Variants in CLVS1 observed in about 807,000 individuals in gnomAD.
CLVS1 encodes clavesin-1.
CLVS1 carries 10 observed loss-of-function variants against 33.1 expected under a neutral mutation model. The ratio of observed to expected loss-of-function variants is 0.30; its 90% CI spans 0.19 to 0.51. The LOEUF (loss-of-function observed/expected upper bound fraction) is 0.51. Among genes scored for constraint, CLVS1 ranks in the 20% least tolerant of loss-of-function variants. The probability of loss-of-function intolerance (pLI) is 0.97; values close to 1 mark genes in which losing one functional copy is unlikely to be tolerated. For missense variants in CLVS1, 343 were observed against 433.4 expected (o/e 0.79, Z 1.85); for synonymous variants, 163 against 166.1 (o/e 0.98, Z 0.14).
In CLVS1 at chr8:61,162,455, G is replaced by C. The variant is rs144367842; in HGVS notation, c.-152+30595G>C. Among the ~76,000 whole-genome samples, 148 of 152,312 alleles carry C rather than the reference G, an allele frequency of 9.7e-4. No homozygotes were observed. The Middle Eastern group carries it at 0.031, about 32-fold the overall frequency. On this transcript the variant is annotated intron_variant, in intron 2 of 2. Coordinates refer to the CLVS1 transcript ENST00000522621. ...TTGCTCCTTTGGAATCTGCAGTTGAGAGAAACTAGGACTGAAAAACCAGCA... is the reference window on the plus strand; with the variant it reads ...TTGCTCCTTTGGAATCTGCAGTTGACAGAAACTAGGACTGAAAAACCAGCA...
intron 5 of CLVS1, among the ~76,000 whole-genome samples, chr8:61,469,564 T>C (rs545913852): frequency 1.3e-5 from 2 of 152,332 alleles, no homozygotes; most frequent in South Asian, 4.1e-4. Context: ...GTCAATAGAA[T>C]TAGCTGTGAC....
At chr8:61,490,517 A>C (rs1346659311) in intron 5 of CLVS1, among the ~76,000 whole-genome samples, 3 of 150,790 alleles carry the variant, frequency 2.0e-5, no homozygotes, top group Non-Finnish European at 4.4e-5. Context: ...AAATACAAAA[A>C]ATTAGCTGAG....
chr8:61,049,024 A>T, the CLVS1 span, among the ~76,000 whole-genome samples: 1 of 152,210 alleles, frequency 6.6e-6, no homozygotes, highest in Non-Finnish European at 1.5e-5. Context: ...TTGAGGACTG[A>T]AGGGTTCCTT....
chr8:61,340,515 A>G (rs1302032727), intron 2 of CLVS1, among the ~76,000 whole-genome samples: 1 of 152,130 alleles, frequency 6.6e-6, no homozygotes, highest in Non-Finnish European at 1.5e-5. Context: ...ATATGACAGG[A>G]TTTCCTTCTT....
intron 1 of CLVS1, among the ~76,000 whole-genome samples, chr8:61,083,088 T>G (rs938665397): frequency 6.6e-6 from 1 of 152,130 alleles, no homozygotes; most frequent in South Asian, 2.1e-4. Context: ...TGAAAATAAA[T>G]TCTTCAGAAA....
chr8:61,357,494 C>CTTTTTTTTTTT (rs1167743712), intron 2 of CLVS1, among the ~76,000 whole-genome samples: 286 of 25,756 alleles, frequency 0.011, 8 homozygotes, highest in Middle Eastern at 0.067. Context: ...TTTTTCTTTT[C>CTTTTTTTTTTT]TTTTTTTTTT....
chr8:61,480,310 C>T lies in CLVS1; in HGVS notation c.978-19145C>T, dbSNP rs571085269. ...GGCACCCCTCCCCCAGCCTCGCTGC[C>T]GCCTTGCAGTTTGATCTCAGACTGC... On this transcript the variant is annotated intron_variant, in intron 5 of 5. Coordinates refer to ENST00000325897, the MANE Select transcript of CLVS1 (RefSeq NM_173519.3). Among the ~76,000 whole-genome samples, 28 of 152,302 alleles carry T rather than the reference C, an allele frequency of 1.8e-4. No homozygotes were observed. In the East Asian group the frequency reaches 2.7e-3, roughly 15 times the overall value.
intron 2 of CLVS1, among the ~76,000 whole-genome samples, chr8:61,206,914 A>G (rs1297182833): frequency 6.6e-6 from 1 of 152,136 alleles, no homozygotes; most frequent in Non-Finnish European, 1.5e-5. Context: ...TAATTATTGA[A>G]TAATTTTCTT....
At chr8:61,111,919 A>G (rs1483085278) in intron 1 of CLVS1, among the ~76,000 whole-genome samples, 1 of 152,194 alleles carries the variant, frequency 6.6e-6, no homozygotes, top group African/African-American at 2.4e-5. Context: ...GATCTCTCCA[A>G]TTCACAGTCT....
chr8:61,365,306 T>A (rs1333678854), intron 2 of CLVS1, among the ~76,000 whole-genome samples: 7 of 152,096 alleles, frequency 4.6e-5, no homozygotes, highest in Admixed American at 4.6e-4. Context: ...GGCGGGCGGA[T>A]CACCTGGGTC....
At position 61,268,107 on chromosome 8, in the gene CLVS1, C is replaced by T. The variant is rs991586030; in HGVS notation, c.-151-31570C>T. 3.3e-5 allele frequency among the ~76,000 whole-genome samples: 5 copies of T among 151,862 alleles called. No individual in the cohort carries two copies. In the South Asian group the frequency reaches 1.0e-3, roughly 32 times the overall value. On this transcript the variant is annotated intron_variant, in intron 2 of 2. Coordinates refer to the CLVS1 transcript ENST00000522621. The stretch of plus-strand genomic sequence containing the variant: ...TGTATACATGTGCCATGCTGGTGCA[C>T]TGCACCCACTAACTCATCATCTAGC...
the CLVS1 span, among the ~76,000 whole-genome samples, chr8:60,972,728 A>G: frequency 6.6e-6 from 1 of 152,168 alleles, no homozygotes; most frequent in African/African-American, 2.4e-5. Flanking sequence ...CCACAACACT[A>G]TGATTGCAGC....
At chr8:61,238,110 A>T (rs369731059) in intron 2 of CLVS1, among the ~76,000 whole-genome samples, 1 of 152,214 alleles carries the variant, frequency 6.6e-6, no homozygotes, top group African/African-American at 2.4e-5. Context: ...AGGGGGTCCT[A>T]TAGAAGATCT....
chr8:61,341,356 C>T (rs1812022697), intron 2 of CLVS1, among the ~76,000 whole-genome samples: 3 of 152,216 alleles, frequency 2.0e-5, no homozygotes, highest in Admixed American at 6.5e-5. Context: ...GAGGCATTCT[C>T]TGGCCTGCAG....
intron 2 of CLVS1, among the ~76,000 whole-genome samples, chr8:61,196,214 C>T (rs1807603594): frequency 6.6e-6 from 1 of 152,108 alleles, no homozygotes; most frequent in African/African-American, 2.4e-5. Context: ...TCTTTCTCAC[C>T]ATAGAATTTC....
intron 2 of CLVS1, among the ~76,000 whole-genome samples, chr8:61,178,674 G>A (rs1051549036): frequency 6.6e-6 from 1 of 152,192 alleles, no homozygotes; most frequent in African/African-American, 2.4e-5. Flanking sequence ...CAAGCCAGAA[G>A]AGAGTGAGGG....
chr8:61,351,411 CT>C (rs1319314153), intron 2 of CLVS1, among the ~76,000 whole-genome samples: 2 of 151,826 alleles, frequency 1.3e-5, no homozygotes, highest in Non-Finnish European at 2.9e-5. Flanking sequence ...AGAAAATATA[CT>C]GGAAAAGTAA....
intron 2 of CLVS1, among the ~76,000 whole-genome samples, chr8:61,273,733 G>C (rs1040554772): frequency 6.6e-6 from 1 of 152,204 alleles, no homozygotes; most frequent in African/African-American, 2.4e-5. Flanking sequence ...CGCAGTATTC[G>C]GGTGGGAGTG....
intron 1 of CLVS1, among the ~76,000 whole-genome samples, chr8:61,070,129 C>A (rs569847427): frequency 6.6e-6 from 1 of 152,258 alleles, no homozygotes; most frequent in African/African-American, 2.4e-5. Context: ...TTTTATCTCC[C>A]CTTGGCTGCC....
Sources: allele counts gnomAD v4.1 joint callset (sites outside exome capture counted in the v4.1 genomes callset), GRCh38; gene constraint gnomAD v4.1.1; transcripts MANE v1.5; gene names NCBI Gene and HGNC (gene_info 2026-07-23, HGNC 2026-07-21).